Variants in RERE observed in about 807,000 individuals in gnomAD.
RERE encodes the protein arginine-glutamic acid dipeptide repeats, also known as arginine-glutamic acid dipeptide repeats protein.
RERE carries 40 observed loss-of-function variants against 146.1 expected under a neutral mutation model. The observed-to-expected ratio is 0.27, with a 90% CI of 0.21 to 0.36. The LOEUF (loss-of-function observed/expected upper bound fraction) is 0.36, where lower values mean the gene tolerates loss of function less well. Ranked by LOEUF, RERE falls within the 10% of genes least tolerant of loss-of-function variation. The pLI is 1.00. For synonymous variants in RERE, 1,003 were observed against 866.0 expected (o/e 1.16, Z -2.78); for missense variants, 1,933 against 2,138.7 (o/e 0.90, Z 1.90).
At position 8,423,445 on chromosome 1, in the gene RERE, C is replaced by A. The variant is rs988894767; in HGVS notation, c.1204-638G>T. The A allele has an allele frequency of 6.8e-5, 48 of 710,574 alleles. No homozygotes were observed. The highest frequency in any genetic ancestry group is 8.1e-5 in the Non-Finnish European group (47 of 578,740). 44.0% of individuals were successfully genotyped at this position (710,574 alleles called of 1,614,324 possible). On this transcript the variant is annotated intron_variant, in intron 11 of 22. Transcript: ENST00000400908. This position sits in a 1 kb window ranked among gnomAD's most constrained non-coding sequence, Gnocchi z 5.4. ...TCCCGACGCCACTCGCCGCCCCCAT[C>A]CATTTTCGCAGCAGACTCGTCCCTA...
In RERE at chr1:8,408,837, T is replaced by C. The variant is rs1248090444; in HGVS notation, c.1284+13890A>G. ...GTGAGTGCTGCGGGGAGGTGGAGGC[T>C]GGGCTTGGGGCAGGAGGTGGTGGTG... On this transcript the variant is annotated intron_variant, in intron 12 of 22. Transcript: ENST00000400908. Among the ~76,000 whole-genome samples the C allele has an allele frequency of 2.6e-5, 4 of 152,268 alleles. No homozygotes were observed. The South Asian group carries it at 8.3e-4, about 32-fold the overall frequency.
At chr1:8,455,498 T>C (rs1644443876) in intron 11 of RERE, among the ~76,000 whole-genome samples, 1 of 152,186 alleles carries the variant, frequency 6.6e-6, no homozygotes, top group Non-Finnish European at 1.5e-5. Flanking sequence ...TGAACGAGTT[T>C]TTTTAATTGG....
At chr1:8,494,654 C>T (rs923679510) in intron 10 of RERE, among the ~76,000 whole-genome samples, 5 of 152,080 alleles carry the variant, frequency 3.3e-5, no homozygotes, top group South Asian at 2.1e-4. Flanking sequence ...AGCCGGGAAG[C>T]GGAGCTTGCA....
chr1:8,479,025 G>A (rs1305762533), intron 10 of RERE, among the ~76,000 whole-genome samples: 1 of 152,182 alleles, frequency 6.6e-6, no homozygotes, highest in Non-Finnish European at 1.5e-5. Context: ...TCACATTACA[G>A]AAATATCATA....
chr1:8,533,623 C>G (rs555651710), intron 7 of RERE, among the ~76,000 whole-genome samples: 1 of 152,316 alleles, frequency 6.6e-6, no homozygotes, highest in South Asian at 2.1e-4. Context: ...GGCCCAGAAT[C>G]CCAACCCTAA....
At chr1:8,617,073 G>A (rs1029245425) in intron 3 of RERE, among the ~76,000 whole-genome samples, 14 of 152,036 alleles carry the variant, frequency 9.2e-5, no homozygotes, top group East Asian at 3.9e-4. Flanking sequence ...TGCTTGATGC[G>A]GTGGTTCATG....
intron 10 of RERE, among the ~76,000 whole-genome samples, chr1:8,472,396 C>T (rs952623138): frequency 6.6e-6 from 1 of 152,122 alleles, no homozygotes; most frequent in Non-Finnish European, 1.5e-5. Flanking sequence ...CACAGGCTTC[C>T]CCATATTGCT....
intron 11 of RERE, among the ~76,000 whole-genome samples, chr1:8,430,380 T>C (rs1217476091): frequency 6.6e-6 from 1 of 152,190 alleles, no homozygotes; most frequent in Non-Finnish European, 1.5e-5. Flanking sequence ...TTAAAAACAC[T>C]TTGCACTTAC....
At chr1:8,708,784 G>A (rs1639607048) in intron 1 of RERE, among the ~76,000 whole-genome samples, 2 of 151,822 alleles carry the variant, frequency 1.3e-5, no homozygotes, top group African/African-American at 4.8e-5. Context: ...CCAGTCTCTG[G>A]TATGTCTTTA....
chr1:8,588,281 C>T (rs564854310), intron 4 of RERE, among the ~76,000 whole-genome samples: 22 of 152,298 alleles, frequency 1.4e-4, no homozygotes, highest in African/African-American at 5.3e-4. Flanking sequence ...TGAAAACTCT[C>T]ATTTATATTC....
chr1:8,366,638 T>G (rs1443385447), intron 12 of RERE, among the ~76,000 whole-genome samples: 2 of 152,146 alleles, frequency 1.3e-5, no homozygotes, highest in East Asian at 3.9e-4. Context: ...GGACTGGGCT[T>G]GGCAAAGAAA....
At chr1:8,636,263 C>T (rs1647100901) in intron 2 of RERE, among the ~76,000 whole-genome samples, 1 of 152,202 alleles carries the variant, frequency 6.6e-6, no homozygotes, top group Non-Finnish European at 1.5e-5. Flanking sequence ...GCTGGGATTA[C>T]AGGCGTAAGC....
At chr1:8,729,630 A>G (rs746007643) in intron 1 of RERE, among the ~76,000 whole-genome samples, 20 of 152,120 alleles carry the variant, frequency 1.3e-4, no homozygotes, top group Admixed American at 9.8e-4. Flanking sequence ...AATATTTACT[A>G]TATCTGGCCC....
chr1:8,678,912 G>A (rs1056167446), intron 1 of RERE, among the ~76,000 whole-genome samples: 5 of 151,860 alleles, frequency 3.3e-5, no homozygotes, highest in African/African-American at 1.2e-4. Flanking sequence ...TTTAATCTAG[G>A]GCCATGCTGT....
At chr1:8,502,752 C>A (rs867348121) in intron 8 of RERE, among the ~76,000 whole-genome samples, 2 of 148,584 alleles carry the variant, frequency 1.3e-5, no homozygotes, top group Non-Finnish European at 1.5e-5. Context: ...AAGAAAAATT[C>A]TTCTGCCTTG....
In RERE at chr1:8,362,808, C is replaced by T; in HGVS notation, c.1777G>A (p.Ala593Thr). 6.2e-7 allele frequency: 1 copy of T among 1,614,034 alleles called. No individual in the cohort carries two copies. The change falls in exon 16 of 23, where the codon GCC becomes ACC. Residue 593 changes from alanine to threonine, a missense_variant. Transcript: ENST00000400908. ...TLRSGRKKQP[A>T]SPDGRTSPIN... is the part of the protein sequence containing the mutation. Reference sequence around the variant, plus strand: ...GGTGAGGTGCGACCATCAGGGCTGGCTGGCTGCTTCTTCCGACCACTGCGT... The same window carrying T: ...GGTGAGGTGCGACCATCAGGGCTGGTTGGCTGCTTCTTCCGACCACTGCGT...
At chr1:8,539,813 A>G (rs941884481) in intron 7 of RERE, among the ~76,000 whole-genome samples, 3 of 152,162 alleles carry the variant, frequency 2.0e-5, no homozygotes, top group African/African-American at 7.2e-5. Flanking sequence ...TCTAGAAAAT[A>G]GCATCCAATA....
In RERE at chr1:8,633,161, T is replaced by C. The variant is rs565887687; in HGVS notation, c.326-8781A>G. Among the ~76,000 whole-genome samples, 16 of 152,326 alleles carry C rather than the reference T, an allele frequency of 1.1e-4. No individual in the cohort carries two copies. In the South Asian group the frequency reaches 3.3e-3, roughly 32 times the overall value. The stretch of plus-strand genomic sequence containing the variant: ...ATGGCCAAGCTTAGTGGCTCACACT[T>C]ATAATCCCAACACATTGGGAGGTGG... On this transcript the variant is annotated intron_variant, in intron 2 of 22. Coordinates refer to ENST00000400908, the MANE Select transcript of RERE (RefSeq NM_001042681.2).
chr1:8,789,301 A>AAAAAATATATATATATAT, intron 1 of RERE, among the ~76,000 whole-genome samples: 2 of 24,812 alleles, frequency 8.1e-5, no homozygotes, highest in African/African-American at 4.6e-4. Context: ...AAAAAAAAAA[A>AAAAAATATATATATATAT]ATATATATAT....
Sources: gnomAD v4.1 joint callset for allele counts (sites outside exome capture counted in the v4.1 genomes callset) on GRCh38, gnomAD v4.1.1 for gene constraint, Gnocchi (gnomAD v3.1) non-coding constraint, MANE v1.5 for transcripts, NCBI Gene and HGNC (gene_info 2026-07-23, HGNC 2026-07-21) for gene names.